MLLT10: variants seen among roughly 807,000 people sequenced by gnomAD.
The protein encoded by MLLT10 is MLLT10 histone lysine methyltransferase DOT1L cofactor.
In MLLT10, 30 loss-of-function variants were observed where a neutral mutation model predicts 129.1. The observed-to-expected ratio is 0.23, with a 90% CI of 0.17 to 0.32. MLLT10 has a LOEUF of 0.32. Ranked by LOEUF, MLLT10 falls within the 10% of genes least tolerant of loss-of-function variation. The pLI is 1.00. For missense variants in MLLT10, 1,119 were observed against 1,268.3 expected (o/e 0.88, Z 1.79); for synonymous variants, 490 against 446.4 (o/e 1.10, Z -1.23).
intron 3 of MLLT10, among the ~76,000 whole-genome samples, chr10:21,581,717 TTGCTTGCTGCTATGTAAGATG>T (rs1315082582): frequency 6.6e-6 from 1 of 152,194 alleles, no homozygotes; most frequent in Non-Finnish European, 1.5e-5. Flanking sequence ...TCTCTTTCTC[TTGCTTGCTGCTATGTAAGATG>T]TGCTTGCTTC....
At position 21,626,126 on chromosome 10, in the gene MLLT10, C is replaced by G; in HGVS notation, c.699+8919C>G. ...CTAGCTCCCCTGTTTCTCTCTCTGCCTGTAGGTCTTCATAACTCCACATAA... is the reference window on the plus strand; with the variant it reads ...CTAGCTCCCCTGTTTCTCTCTCTGCGTGTAGGTCTTCATAACTCCACATAA... On this transcript the variant is annotated intron_variant, in intron 8 of 22. Coordinates refer to ENST00000307729, the MANE Select transcript of MLLT10 (RefSeq NM_001195626.3). The G allele has an allele frequency of 2.5e-6, 4 of 1,610,178 alleles. No individual in the cohort carries two copies. The South Asian group carries it at 4.4e-5, about 18-fold the overall frequency.
intron 8 of MLLT10, among the ~76,000 whole-genome samples, chr10:21,632,337 A>C (rs917305120): frequency 6.6e-6 from 1 of 152,194 alleles, no homozygotes; most frequent in East Asian, 1.9e-4. Context: ...CTCATGTTTA[A>C]TTCATGTAGG....
At chr10:21,581,290 C>T (rs2041427215) in intron 3 of MLLT10, among the ~76,000 whole-genome samples, 2 of 152,084 alleles carry the variant, frequency 1.3e-5, no homozygotes, top group African/African-American at 4.8e-5. Context: ...CTCGTGATTG[C>T]CTGCCTCGGC....
intron 9 of MLLT10, among the ~76,000 whole-genome samples, chr10:21,667,221 A>C (rs1022900734): frequency 2.0e-5 from 3 of 152,096 alleles, no homozygotes; most frequent in Admixed American, 2.0e-4. Context: ...CATCCTTAAA[A>C]AGAAAAAAGA....
chr10:21,626,299 G>A (rs1589301057), intron 8 of MLLT10: 1 of 1,277,740 alleles, frequency 7.8e-7, no homozygotes, highest in East Asian at 2.3e-5. Flanking sequence ...GGCAGAGCAG[G>A]GGCTGGTGGC....
chr10:21,722,447 A>C (rs1415960659), intron 14 of MLLT10, among the ~76,000 whole-genome samples: 1 of 152,208 alleles, frequency 6.6e-6, no homozygotes, highest in African/African-American at 2.4e-5. Flanking sequence ...GCTGTAGAGA[A>C]GTATGTGTAT....
At chr10:21,598,369 T>G (rs2043206085) in intron 5 of MLLT10, among the ~76,000 whole-genome samples, 1 of 152,228 alleles carries the variant, frequency 6.6e-6, no homozygotes, top group Non-Finnish European at 1.5e-5. Context: ...TAATCTAGGC[T>G]CATCTTGTGT....
chr10:21,577,587 T>G (rs1431134145), intron 3 of MLLT10, among the ~76,000 whole-genome samples: 1 of 151,590 alleles, frequency 6.6e-6, no homozygotes, highest in African/African-American at 2.4e-5. Flanking sequence ...TTCTTCTGCC[T>G]CAGCCTCCCG....
chr10:21,610,046 A>T (rs919604149), intron 5 of MLLT10, among the ~76,000 whole-genome samples: 1 of 152,152 alleles, frequency 6.6e-6, no homozygotes, highest in Non-Finnish European at 1.5e-5. Context: ...CCTCTGCCCT[A>T]CTGCTCTGGA....
At chr10:21,587,831 ACT>A (rs1272816549) in intron 4 of MLLT10, among the ~76,000 whole-genome samples, 1 of 151,432 alleles carries the variant, frequency 6.6e-6, no homozygotes, top group East Asian at 1.9e-4. Context: ...TATGTTGAAA[ACT>A]CTTCCTGTTA....
chr10:21,626,266 A>T (rs1351839212), intron 8 of MLLT10: 3 of 1,497,228 alleles, frequency 2.0e-6, no homozygotes, highest in Non-Finnish European at 2.8e-6. Flanking sequence ...TTTCATCAAG[A>T]TCGATACAAG....
chr10:21,713,992 T>A, intron 14 of MLLT10, 42 bp downstream of exon 14: 1 of 1,534,634 alleles, frequency 6.5e-7, no homozygotes, highest in East Asian at 2.3e-5. Context: ...TAGGTGGGTT[T>A]CTCATTTTTA....
chr10:21,671,788 G>A (rs2051435713), intron 10 of MLLT10, among the ~76,000 whole-genome samples: 1 of 151,742 alleles, frequency 6.6e-6, no homozygotes, highest in Non-Finnish European at 1.5e-5. Context: ...CTGTCTCCTT[G>A]GACAGGCAAA....
chr10:21,546,261 A>G (rs1300491558), intron 3 of MLLT10, among the ~76,000 whole-genome samples: 1 of 151,858 alleles, frequency 6.6e-6, no homozygotes, highest in African/African-American at 2.4e-5. Context: ...TATTTTTAGT[A>G]GAAACTGGGT....
At chr10:21,655,452 CTTTA>C (rs1288019638) in intron 9 of MLLT10, among the ~76,000 whole-genome samples, 2 of 152,104 alleles carry the variant, frequency 1.3e-5, no homozygotes, top group Admixed American at 1.3e-4. Flanking sequence ...TCCAGCAAAA[CTTTA>C]TTTATGGACA....
chr10:21,717,931 C>CTT, intron 14 of MLLT10, among the ~76,000 whole-genome samples: 1 of 145,350 alleles, frequency 6.9e-6, no homozygotes, highest in East Asian at 2.0e-4. Context: ...CCTTCTTCTT[C>CTT]TCCTTCTTTT....
At chr10:21,722,034 T>C (rs2131546701) in intron 14 of MLLT10, among the ~76,000 whole-genome samples, 1 of 151,930 alleles carries the variant, frequency 6.6e-6, no homozygotes, top group South Asian at 2.1e-4. Context: ...TATGTATATA[T>C]AATCCTATAT....
At chr10:21,641,860 G>A (rs2048035683) in intron 8 of MLLT10, among the ~76,000 whole-genome samples, 1 of 152,182 alleles carries the variant, frequency 6.6e-6, no homozygotes, top group African/African-American at 2.4e-5. Flanking sequence ...TCAGATGCTA[G>A]GCTTTTCTAA....
chr10:21,555,207 AT>A (rs2037737231), intron 3 of MLLT10, among the ~76,000 whole-genome samples: 1 of 151,806 alleles, frequency 6.6e-6, no homozygotes, highest in African/African-American at 2.4e-5. Flanking sequence ...GATACAATTT[AT>A]TTTAATTTAA....
Sources: gnomAD v4.1 joint callset for allele counts (sites outside exome capture counted in the v4.1 genomes callset) on GRCh38, gnomAD v4.1.1 for gene constraint, MANE v1.5 for transcripts, NCBI Gene and HGNC (gene_info 2026-07-23, HGNC 2026-07-21) for gene names.